The following ADGRB1 variants were observed in gnomAD, a reference collection of about 807,000 sequenced individuals.
ADGRB1 encodes brain-specific angiogenesis inhibitor 1.
A neutral mutation model predicts 175.7 loss-of-function variants in ADGRB1; 36 were observed. The ratio of observed to expected loss-of-function variants is 0.20; its 90% CI spans 0.16 to 0.27. The LOEUF (loss-of-function observed/expected upper bound fraction) is 0.27. ADGRB1 is among the 10% of genes least tolerant of loss of function. The pLI is 1.00. For missense variants in ADGRB1, 1,731 were observed against 2,255.3 expected (o/e 0.77, Z 4.71); for synonymous variants, 1,054 against 979.4 (o/e 1.08, Z -1.42).
Position 142,479,779 on chromosome 8 carries a change from C to A in ADGRB1, c.1813C>A (p.Pro605Thr), listed in dbSNP as rs1394176306. The A allele has an allele frequency of 6.2e-7, 1 of 1,612,510 alleles. No individual in the cohort carries two copies. Among genetic ancestry groups the A allele is most frequent in the African/African-American group, 1.3e-5 (1 of 74,788 alleles). ...GGGAGAGGTGGCTGCTGTCCGGTGT[C>A]CCCGCAACGCCACAGGTGAGGGCTG... The part of the protein sequence containing the change: ...PAGEVAAVRC[P>T]RNATGLILRR... The change falls in exon 9 of 31, where the codon CCC (proline) becomes ACC (threonine). Residue 605 changes from proline to threonine, a missense_variant. Around this residue, in one of 8 missense-constraint regions of ADGRB1, gnomAD observed 388 missense variants for 630.9 expected, o/e 0.61. Coordinates refer to ENST00000517894, the MANE Select transcript of ADGRB1 (RefSeq NM_001702.3).
At chr8:142,523,785 T>TGGGGGGGGGGGG (rs1844010385) in intron 22 of ADGRB1, among the ~76,000 whole-genome samples, 1 of 46,606 alleles carries the variant, frequency 2.1e-5, no homozygotes, top group Non-Finnish European at 4.2e-5. Context: ...GGGAGGGGGG[T>TGGGGGGGGGGGG]GGGGAGGGGG....
intron 24 of ADGRB1, 140 bp from the exon 25 acceptor site, chr8:142,533,155 G>A: frequency 1.0e-6 from 1 of 968,788 alleles, no homozygotes; most frequent in Non-Finnish European, 1.5e-6. Context: ...GAGAGGAAGG[G>A]CTGCTTGGCC....
At chr8:142,523,318 G>A (rs1843968042) in intron 22 of ADGRB1, among the ~76,000 whole-genome samples, 1 of 140,168 alleles carries the variant, frequency 7.1e-6, no homozygotes, top group Admixed American at 7.4e-5. Flanking sequence ...AAGGGGAACC[G>A]AGGCTTGAAG....
chr8:142,523,518 G>A (rs1843990043), intron 22 of ADGRB1, among the ~76,000 whole-genome samples: 1 of 152,002 alleles, frequency 6.6e-6, no homozygotes, highest in Non-Finnish European at 1.5e-5. Context: ...AGGGCCCAGG[G>A]GGTGAGTGCT....
At chr8:142,533,489 G>C (rs1443532952) in intron 25 of ADGRB1, 23 bp downstream of exon 25, 2 of 1,572,724 alleles carry the variant, frequency 1.3e-6, no homozygotes, top group South Asian at 1.1e-5. Flanking sequence ...GCCTCTGTCG[G>C]GCCGGGCTCC....
chr8:142,485,996 G>C (rs1288690034), intron 13 of ADGRB1, among the ~76,000 whole-genome samples: 8 of 152,120 alleles, frequency 5.3e-5, no homozygotes, highest in Non-Finnish European at 2.9e-5. Flanking sequence ...AGCCATCATG[G>C]GGGCCACCCT....
At chr8:142,481,755 TG>T in intron 11 of ADGRB1, 44 bp downstream of exon 11, 1 of 1,463,556 alleles carries the variant, frequency 6.8e-7, no homozygotes, top group Non-Finnish European at 9.1e-7. Flanking sequence ...GTCGGGAAGG[TG>T]TCTGGGGAGC....
intron 1 of ADGRB1, among the ~76,000 whole-genome samples, chr8:142,456,454 A>G (rs1839688959): frequency 6.6e-6 from 1 of 152,096 alleles, no homozygotes; most frequent in Admixed American, 6.5e-5. Flanking sequence ...CCCCCGAAGC[A>G]CACATGCCAC....
intron 24 of ADGRB1, among the ~76,000 whole-genome samples, chr8:142,527,339 C>T (rs1276557092): frequency 3.3e-5 from 5 of 152,166 alleles, no homozygotes; most frequent in Admixed American, 6.5e-5. Flanking sequence ...CTGGTGTCTG[C>T]GTGGGCCCCT....
rs116795949 is a variant in ADGRB1 at position 142,489,243 on chromosome 8, G to A, written c.2529-93G>A. On this transcript the variant is annotated intron_variant, in intron 15 of 30. Coordinates refer to ENST00000517894, the MANE Select transcript of ADGRB1 (RefSeq NM_001702.3). ...ATGATGGGCTGTGGAGGGTGGCGGC[G>A]GGTACAGGGGCCCTCGGGGGCACCT... 2.5e-3 allele frequency: 3,840 copies of A among 1,553,348 alleles called. 89 individuals are homozygous for A. In the African/African-American group the frequency reaches 0.046, roughly 19 times the overall value.
chr8:142,449,930 C>G lies in ADGRB1; in HGVS notation c.-394C>G, dbSNP rs979293481. ...GGGCCTGCGTGCGCCGGCGGGTGCT[C>G]TCCAGGGGGCGTCCCGGCGAGGCCC... On this transcript the variant is annotated 5_prime_UTR_variant, in exon 1 of 31. Transcript: ENST00000517894. 19 of 147,826 alleles carry G rather than the reference C, an allele frequency of 1.3e-4. No individual in the cohort carries two copies. The highest frequency in any genetic ancestry group is 4.4e-4 in the African/African-American group (18 of 40,518). The allele number at this position is 147,826 out of a possible 1,614,324, so 9.2% of individuals were successfully genotyped here.
At position 142,542,323 on chromosome 8, in the gene ADGRB1, C is replaced by T; in HGVS notation, c.4089C>T (p.Pro1363=). 1.9e-6 allele frequency: 3 copies of T among 1,612,270 alleles called. No individual in the cohort carries two copies. The highest frequency in any genetic ancestry group is 2.5e-6 in the Non-Finnish European group (3 of 1,179,586). ...TGCGGCCCAAGCCCAAGGAGGAGCC[C>T]AAGTACAGCATCCACATTGACCAGA... ...ATLRPKPKEE[P]KYSIHIDQMP... The change falls in exon 28 of 31, where the codon CCC becomes CCT. Residue 1363 remains proline, a synonymous_variant. Transcript: ENST00000517894. This position sits in a 1 kb window ranked among gnomAD's most constrained non-coding sequence, Gnocchi z 6.3.
intron 17 of ADGRB1, among the ~76,000 whole-genome samples, chr8:142,498,950 A>C (rs540214419): frequency 1.3e-5 from 2 of 152,192 alleles, no homozygotes; most frequent in East Asian, 3.9e-4. Context: ...CCGGGGCCCC[A>C]GCCTCTCTCT....
In ADGRB1 at chr8:142,544,448, C is replaced by A; in HGVS notation, c.*31C>A. On this transcript the variant is annotated 3_prime_UTR_variant, in exon 31 of 31. Transcript: ENST00000517894. ...TGGGCGGCGGCCACGCACTGGGCCA[C>A]GGAGGAGGGATGCTGCTCCGCCCGC... is the stretch of plus-strand genomic sequence containing the variant. 6.9e-7 allele frequency: 1 copy of A among 1,443,486 alleles called. No homozygotes were observed. Among genetic ancestry groups the A allele is most frequent in the East Asian group, 2.6e-5 (1 of 38,934 alleles). The allele number at this position is 1,443,486 out of a possible 1,614,324, so 89.4% of individuals were successfully genotyped here.
chr8:142,467,885 C>T (rs73714303), intron 2 of ADGRB1, among the ~76,000 whole-genome samples: 10,541 of 152,230 alleles, frequency 0.069, 854 homozygotes, highest in African/African-American at 0.19. Context: ...GCGATGTTGA[C>T]GATGAAATAT....
intron 3 of ADGRB1, 133 bp from the exon 4 acceptor site, chr8:142,476,452 C>G (rs1207521999): frequency 3.9e-6 from 3 of 771,728 alleles, no homozygotes; most frequent in Non-Finnish European, 6.5e-6. Context: ...AGGCTGGGCA[C>G]TCTGGTCCCT....
chr8:142,489,451 C>T lies in ADGRB1; in HGVS notation c.2631+13C>T, dbSNP rs774815340. On this transcript the variant is annotated intron_variant, in intron 16 of 30. Coordinates refer to ENST00000517894, the MANE Select transcript of ADGRB1 (RefSeq NM_001702.3). ...CCACATGTATAATGTGAGTGCCGTC[C>T]ACGTGCACACTCTGATGCCAGCAGA... The T allele has an allele frequency of 1.2e-6, 2 of 1,609,298 alleles. No individual in the cohort carries two copies. The highest frequency in any genetic ancestry group is 2.2e-5 in the South Asian group (2 of 91,020).
intron 17 of ADGRB1, among the ~76,000 whole-genome samples, chr8:142,498,990 C>T (rs1842356655): frequency 6.6e-6 from 1 of 152,224 alleles, no homozygotes; most frequent in African/African-American, 2.4e-5. Flanking sequence ...CTGTGGCTCC[C>T]AGGCCTGCCC....
chr8:142,526,916 G>A (rs1424029814), intron 24 of ADGRB1, among the ~76,000 whole-genome samples: 1 of 152,178 alleles, frequency 6.6e-6, no homozygotes, highest in Admixed American at 6.5e-5. Flanking sequence ...TGCCTGGCTT[G>A]CAGGATGGCA....
Sources: allele counts gnomAD v4.1 joint callset (sites outside exome capture counted in the v4.1 genomes callset), GRCh38; gene constraint gnomAD v4.1.1; regional missense constraint gnomAD v4.1.1; non-coding constraint Gnocchi (gnomAD v3.1); transcripts MANE v1.5; gene names NCBI Gene and HGNC (gene_info 2026-07-23, HGNC 2026-07-21).